SIK3: variants seen among roughly 807,000 people sequenced by gnomAD.
SIK3 encodes the protein serine/threonine-protein kinase SIK3.
A neutral mutation model predicts 144.2 loss-of-function variants in SIK3; 28 were observed. The observed-to-expected ratio is 0.19, with a 90% CI of 0.14 to 0.27. The LOEUF (loss-of-function observed/expected upper bound fraction) is 0.27, where lower values mean the gene tolerates loss of function less well. Ranked by LOEUF, SIK3 falls within the 10% of genes least tolerant of loss-of-function variation. SIK3 has a pLI of 1.00. For missense variants in SIK3, 1,319 were observed against 1,776.0 expected (o/e 0.74, Z 4.62); for synonymous variants, 686 against 676.3 (o/e 1.01, Z -0.22).
At chr11:116,977,805 T>C (rs1252500533) in intron 1 of SIK3, among the ~76,000 whole-genome samples, 1 of 152,194 alleles carries the variant, frequency 6.6e-6, no homozygotes, top group Non-Finnish European at 1.5e-5. Context: ...CCTAGTTTCA[T>C]CTTCTTCCTA....
In SIK3 at chr11:116,894,963, A is replaced by G. The variant is rs537086039; in HGVS notation, c.865+1290T>C. 1.3e-5 allele frequency among the ~76,000 whole-genome samples: 2 copies of G among 152,356 alleles called. 1 individual carries two copies. Among genetic ancestry groups the G allele is most frequent in the South Asian group, 4.1e-4 (2 of 4,828 alleles). On this transcript the variant is annotated intron_variant, in intron 6 of 24. Transcript: ENST00000445177. The stretch of plus-strand genomic sequence containing the variant: ...TCTTTTTTAAACAAAAGTCACTGCA[A>G]AATTTTTCAATTTTTTTGTATGTTT...
At chr11:117,071,126 T>C (rs1298462362) in intron 1 of SIK3, among the ~76,000 whole-genome samples, 2 of 151,562 alleles carry the variant, frequency 1.3e-5, no homozygotes, top group Non-Finnish European at 2.9e-5. Context: ...TCCCAAGAGC[T>C]ACTAGTAACT....
chr11:116,875,772 A>T (rs1207825212), intron 9 of SIK3, 94 bp downstream of exon 9: 35 of 1,418,798 alleles, frequency 2.5e-5, no homozygotes, highest in Non-Finnish European at 3.1e-5. Context: ...AAGGAAGAGC[A>T]AGAAACTCTC....
intron 2 of SIK3, among the ~76,000 whole-genome samples, chr11:116,956,192 A>G (rs1051253087): frequency 6.6e-6 from 1 of 152,054 alleles, no homozygotes; most frequent in Non-Finnish European, 1.5e-5. Flanking sequence ...CTCTCCCAAA[A>G]TATCTCTTTC....
chr11:117,043,006 T>G (rs1032860908), intron 1 of SIK3, among the ~76,000 whole-genome samples: 3 of 152,220 alleles, frequency 2.0e-5, no homozygotes, highest in African/African-American at 7.2e-5. Flanking sequence ...GCAAGCTGCG[T>G]TTATATACCT....
chr11:116,985,663 T>C (rs890595775), intron 1 of SIK3, among the ~76,000 whole-genome samples: 1 of 152,226 alleles, frequency 6.6e-6, no homozygotes, highest in Non-Finnish European at 1.5e-5. Flanking sequence ...TAAGCTTGCA[T>C]GTATGATACT....
intron 6 of SIK3, among the ~76,000 whole-genome samples, chr11:116,894,843 CT>C (rs1441887788): frequency 6.6e-6 from 1 of 152,198 alleles, no homozygotes; most frequent in Non-Finnish European, 1.5e-5. Context: ...ACCAACATCT[CT>C]TATCTGGACT....
intron 6 of SIK3, among the ~76,000 whole-genome samples, chr11:116,883,492 C>T (rs1389331352): frequency 6.6e-6 from 1 of 152,192 alleles, no homozygotes; most frequent in Non-Finnish European, 1.5e-5. Flanking sequence ...GGAATCTTCA[C>T]TCTGCTTGTG....
At chr11:116,964,578 T>A (rs1381285348) in intron 1 of SIK3, among the ~76,000 whole-genome samples, 1 of 152,092 alleles carries the variant, frequency 6.6e-6, no homozygotes, top group Non-Finnish European at 1.5e-5. Flanking sequence ...GGTTAACAAC[T>A]ATAATTTAAA....
intron 1 of SIK3, among the ~76,000 whole-genome samples, chr11:117,018,059 T>C (rs1242684137): frequency 6.6e-6 from 1 of 152,040 alleles, no homozygotes; most frequent in Non-Finnish European, 1.5e-5. Context: ...TCGGGGGTAA[T>C]ATGAGAACAG....
chr11:116,915,153 T>TGTGTGTGTGTGCGC (rs1182331838), intron 4 of SIK3, among the ~76,000 whole-genome samples: 8 of 149,212 alleles, frequency 5.4e-5, no homozygotes, highest in African/African-American at 2.0e-4. Flanking sequence ...TGTGTGTGTG[T>TGTGTGTGTGTGCGC]GTGTGTGTAT....
chr11:117,023,447 C>G (rs542434588), intron 1 of SIK3, among the ~76,000 whole-genome samples: 9 of 147,684 alleles, frequency 6.1e-5, no homozygotes, highest in African/African-American at 2.0e-4. Flanking sequence ...GGGACTCACT[C>G]TGTCGCTCAA....
At position 116,875,852 on chromosome 11, in the gene SIK3, G is replaced by A; in HGVS notation, c.1239+14C>T. The stretch of plus-strand genomic sequence containing the variant: ...TTACTTGTCCTGAACTAGGTCACTG[G>A]AGTTATTGCCCACCTGGATATTGAC... On this transcript the variant is annotated intron_variant, in intron 9 of 24. Coordinates refer to ENST00000445177, the MANE Select transcript of SIK3 (RefSeq NM_001366686.3). The A allele has an allele frequency of 6.3e-7, 1 of 1,596,086 alleles. No individual in the cohort carries two copies. The highest frequency in any genetic ancestry group is 2.2e-5 in the East Asian group (1 of 44,786).
intron 1 of SIK3, among the ~76,000 whole-genome samples, chr11:117,078,022 A>G (rs1954626553): frequency 6.6e-6 from 1 of 152,244 alleles, no homozygotes; most frequent in Non-Finnish European, 1.5e-5. Context: ...GTGAAAATAC[A>G]TTTGTAAATT....
chr11:117,065,522 C>CTAAA (rs1285934989), intron 1 of SIK3, among the ~76,000 whole-genome samples: 2 of 152,036 alleles, frequency 1.3e-5, no homozygotes, highest in African/African-American at 4.8e-5. Context: ...GGCATGGAAA[C>CTAAA]TTTACAGTGA....
chr11:116,904,836 C>T (rs916367852), intron 4 of SIK3: 17 of 161,502 alleles, frequency 1.1e-4, no homozygotes, highest in Admixed American at 3.3e-4. Flanking sequence ...CCTCGGCCTT[C>T]CGAAGCGCTG....
intron 1 of SIK3, among the ~76,000 whole-genome samples, chr11:117,016,563 C>G (rs892112279): frequency 6.6e-6 from 1 of 152,126 alleles, no homozygotes; most frequent in Non-Finnish European, 1.5e-5. Flanking sequence ...ACTGTAATCC[C>G]AGCTAATTGG....
chr11:116,935,709 T>A (rs1476623501), intron 3 of SIK3, among the ~76,000 whole-genome samples: 1 of 152,222 alleles, frequency 6.6e-6, no homozygotes, highest in South Asian at 2.1e-4. Flanking sequence ...GATCCTAGTA[T>A]AACCTGCATG....
chr11:117,057,814 C>A (rs1403942025), intron 1 of SIK3, among the ~76,000 whole-genome samples: 1 of 152,096 alleles, frequency 6.6e-6, no homozygotes, highest in African/African-American at 2.4e-5. Flanking sequence ...ATTCTAGGTC[C>A]TACTTATTTA....
Sources: gnomAD v4.1 joint callset for allele counts (sites outside exome capture counted in the v4.1 genomes callset) on GRCh38, gnomAD v4.1.1 for gene constraint, MANE v1.5 for transcripts, NCBI Gene and HGNC (gene_info 2026-07-23, HGNC 2026-07-21) for gene names.